IL6ST: variants seen among roughly 807,000 people sequenced by gnomAD.
The protein encoded by IL6ST is interleukin 6 cytokine family signal transducer.
Under a neutral mutation model 91.3 loss-of-function variants are expected in IL6ST, and 24 were observed. The ratio of observed to expected loss-of-function variants is 0.26; its 90% confidence interval spans 0.19 to 0.37. The LOEUF (loss-of-function observed/expected upper bound fraction) is 0.37. Among genes scored for constraint, IL6ST ranks in the 10% least tolerant of loss-of-function variants. IL6ST has a pLI of 1.00. For missense variants in IL6ST, 914 were observed against 1,078.5 expected, an observed-to-expected ratio of 0.85 and a Z score of 2.14; for synonymous variants, 351 against 373.6, an observed-to-expected ratio of 0.94 and a Z score of 0.70.
rs562029909 is a variant in IL6ST at position 55,966,285 on chromosome 5, G to A, written c.492-1973C>T. On this transcript the variant is annotated intron_variant, in intron 5 of 16. Transcript: ENST00000381298. ...ATACTATATAATCCCATTTATATGAGACATTCTGTAACAGGAAAAAATAAT... is the reference window on the plus strand; with the variant it reads ...ATACTATATAATCCCATTTATATGAAACATTCTGTAACAGGAAAAAATAAT... 9.5e-4 allele frequency among the ~76,000 whole-genome samples: 144 copies of A among 152,264 alleles called. 4 individuals are homozygous for A. Among genetic ancestry groups the A allele is most frequent in the Non-Finnish European group, 5.0e-4 (34 of 68,018 alleles).
intron 6 of IL6ST, 139 bp downstream of exon 6, chr5:55,964,004 TAAA>T (rs1406510495): frequency 7.4e-6 from 3 of 407,144 alleles, no homozygotes; most frequent in African/African-American, 6.2e-5. Flanking sequence ...AATTAAAATC[TAAA>T]AAAGTAAAAT....
intron 1 of IL6ST, chr5:55,994,225 T>C (rs1754508851): frequency 6.6e-6 from 1 of 152,102 alleles, no homozygotes; most frequent in Admixed American, 6.5e-5. Flanking sequence ...AACTGATTTG[T>C]TCTCCTTGGG....
intron 10 of IL6ST, 124 bp downstream of exon 10, chr5:55,955,901 C>T (rs901639162): frequency 1.4e-5 from 7 of 497,938 alleles, no homozygotes; most frequent in Non-Finnish European, 2.2e-5. Context: ...AAAAAATAAA[C>T]AAGTGATTAT....
chr5:55,979,378 T>C (rs1015580613), intron 2 of IL6ST, among the ~76,000 whole-genome samples: 4 of 152,160 alleles, frequency 2.6e-5, no homozygotes, highest in Admixed American at 2.6e-4. Context: ...AAGGGGACAT[T>C]CTGGGTGCTG....
In IL6ST at chr5:55,937,936, T is replaced by A. The variant is rs1750638622; in HGVS notation, c.*3146A>T. 1 of 196,910 alleles carries A rather than the reference T, an allele frequency of 5.1e-6. No individual in the cohort carries two copies. The highest frequency in any genetic ancestry group is 2.3e-5 in the African/African-American group (1 of 43,300). The allele number at this position is 196,910 out of a possible 1,614,324, so 12.2% of individuals were successfully genotyped here. A position where few individuals can be genotyped will look rare whatever the true frequency, so the allele number is the denominator to read the frequency against. On this transcript the variant is annotated 3_prime_UTR_variant, in exon 17 of 17. Coordinates refer to ENST00000381298, the MANE Select transcript of IL6ST (RefSeq NM_002184.4). The stretch of plus-strand genomic sequence containing the variant: ...CTGCTTGATGTACTTGGTCAATATA[T>A]GTTAGTAAACAGAAATATTTTAGGG...
At chr5:55,945,234 C>A (rs1385019178) in intron 15 of IL6ST, among the ~76,000 whole-genome samples, 2 of 151,968 alleles carry the variant, frequency 1.3e-5, no homozygotes, top group Non-Finnish European at 2.9e-5. Context: ...AGAATTCTAC[C>A]TATTTTCAAA....
chr5:55,969,699 A>G lies in IL6ST; in HGVS notation c.221T>C (p.Ile74Thr). ...YIVWKTNHFT[I>T]PKEQYTIINR... ...TATGATAGTATATTGCTCCTTAGGA[A>G]TAGTAAAATGGTTTGTTTTCCAGAC... Residue 74 changes from isoleucine (I) to threonine (T), a missense_variant, in exon 4 of 17, where the codon ATT (isoleucine) becomes ACT (threonine). Coordinates refer to ENST00000381298, the MANE Select transcript of IL6ST (RefSeq NM_002184.4). The G allele has an allele frequency of 6.2e-7, 1 of 1,612,930 alleles. No homozygotes were observed. Among genetic ancestry groups the G allele is most frequent in the Non-Finnish European group, 8.5e-7 (1 of 1,178,990 alleles).
intron 16 of IL6ST, 147 bp from the exon 17 acceptor site, chr5:55,941,966 A>G: frequency 1.5e-6 from 1 of 665,008 alleles, no homozygotes. Context: ...AAATGCAGAT[A>G]CTATAAAATG....
Position 55,936,270 on chromosome 5 carries a change from T to C in IL6ST, c.*4812A>G, listed in dbSNP as rs1415392409. On this transcript the variant is annotated 3_prime_UTR_variant, in exon 17 of 17. Transcript: ENST00000381298. ...AACAAGGATGGAGACTCCAGCAGAG[T>C]GCAGGGTGGGCACAGACAGGCCACA... The C allele has an allele frequency of 4.5e-6, 1 of 223,502 alleles. No individual in the cohort carries two copies. Among genetic ancestry groups the C allele is most frequent in the South Asian group, 1.8e-4 (1 of 5,410 alleles). 13.8% of individuals were successfully genotyped at this position (223,502 alleles called of 1,614,324 possible).
chr5:55,951,949 G>A lies in IL6ST; in HGVS notation c.1679C>T (p.Thr560Ile), dbSNP rs757531999. 2 of 1,478,706 alleles carry A rather than the reference G, an allele frequency of 1.4e-6. No homozygotes were observed. The highest frequency in any genetic ancestry group is 4.5e-5 in the East Asian group (2 of 44,084). 91.6% of individuals were successfully genotyped at this position (1,478,706 alleles called of 1,614,324 possible). A position where few individuals can be genotyped will look rare whatever the true frequency, so the allele number is the denominator to read the frequency against. The change falls in exon 13 of 17, where the codon ACC becomes ATC. Residue 560 changes from threonine (T) to isoleucine (I), a missense_variant. Coordinates refer to ENST00000381298, the MANE Select transcript of IL6ST (RefSeq NM_002184.4). ...FIRNYTIFYR[T>I]IIGNETAVNV... Reference sequence around the variant, plus strand: ...ATTACCAGTTTCATTTCCAATGATGGTTCTATAAAATATAGTATAATTTCT... The same window carrying A: ...ATTACCAGTTTCATTTCCAATGATGATTCTATAAAATATAGTATAATTTCT...
chr5:55,963,510 A>T lies in IL6ST; in HGVS notation c.659-4T>A. On this transcript the variant is annotated splice_region_variant and splice_polypyrimidine_tract_variant and intron_variant, in intron 6 of 16. Coordinates refer to ENST00000381298, the MANE Select transcript of IL6ST (RefSeq NM_002184.4). ...TTATGTGGCGGATTGGGCTTCACTG[A>T]AAAATAAAATAAATCCTAAGGTTTA... is the stretch of plus-strand genomic sequence containing the variant. 6.3e-7 allele frequency: 1 copy of T among 1,599,514 alleles called. No homozygotes were observed. The highest frequency in any genetic ancestry group is 2.2e-5 in the East Asian group (1 of 44,716).
chr5:55,988,593 C>G (rs983864422), intron 1 of IL6ST, among the ~76,000 whole-genome samples: 1 of 151,660 alleles, frequency 6.6e-6, no homozygotes. Context: ...ATAGAGAAAC[C>G]CTGTCTCTAA....
Position 55,956,105 on chromosome 5 carries a change from T to C in IL6ST, c.1187A>G (p.Tyr396Cys), listed in dbSNP as rs771778211. ...ATTTCTTACTGTTAGGGTTGCTAGA[T>C]AGCGATCATTTGTGAGATTTACTGT... ...KLTVNLTNDR[Y>C]LATLTVRNLV... Residue 396 changes from tyrosine (Y) to cysteine (C), a missense_variant, in exon 10 of 17, where the codon TAT becomes TGT. Coordinates refer to ENST00000381298, the MANE Select transcript of IL6ST (RefSeq NM_002184.4). 4 of 1,613,078 alleles carry C rather than the reference T, an allele frequency of 2.5e-6. No individual in the cohort carries two copies. Among genetic ancestry groups the C allele is most frequent in the African/African-American group, 1.3e-5 (1 of 74,884 alleles).
chr5:55,972,982 G>T (rs1488248032), intron 3 of IL6ST, among the ~76,000 whole-genome samples: 1 of 148,904 alleles, frequency 6.7e-6, no homozygotes, highest in East Asian at 2.0e-4. Context: ...TCCAGCCTAG[G>T]CAACGAAACG....
At chr5:55,942,291 A>AATG (rs928566631) in intron 16 of IL6ST, among the ~76,000 whole-genome samples, 1 of 152,324 alleles carries the variant, frequency 6.6e-6, no homozygotes, top group Middle Eastern at 3.4e-3. Context: ...TCAGTGCTAA[A>AATG]ATGATAAACT....
At chr5:55,950,473 T>G (rs546764301) in intron 14 of IL6ST, among the ~76,000 whole-genome samples, 3 of 138,030 alleles carry the variant, frequency 2.2e-5, no homozygotes, top group Admixed American at 7.6e-5. Context: ...GAGGTGGAGG[T>G]TGCAGTGAGC....
chr5:55,966,412 T>A (rs1405730210), intron 5 of IL6ST, among the ~76,000 whole-genome samples: 1 of 152,338 alleles, frequency 6.6e-6, no homozygotes, highest in East Asian at 1.9e-4. Flanking sequence ...GTTAGTCATG[T>A]TCTATGTCTT....
Position 55,969,859 on chromosome 5 carries a change from A to G in IL6ST, c.65-4T>C. On this transcript the variant is annotated splice_polypyrimidine_tract_variant and splice_region_variant and intron_variant, in intron 3 of 16. Transcript: ENST00000381298. ...CCACATGGATCTAGAAGTTCACCTA[A>G]AAAGGAACAATAGAAAATATATAAA... 6.4e-7 allele frequency: 1 copy of G among 1,566,520 alleles called. No individual in the cohort carries two copies. Among genetic ancestry groups the G allele is most frequent in the Non-Finnish European group, 8.7e-7 (1 of 1,147,936 alleles).
intron 2 of IL6ST, among the ~76,000 whole-genome samples, chr5:55,977,871 GC>G (rs1753407471): frequency 6.6e-6 from 1 of 151,820 alleles, no homozygotes; most frequent in African/African-American, 2.4e-5. Flanking sequence ...GGTGGTGTAT[GC>G]CTGCAGTCCC....
Sources: gnomAD v4.1 joint callset for allele counts (sites outside exome capture counted in the v4.1 genomes callset) on GRCh38, gnomAD v4.1.1 for gene constraint, MANE v1.5 for transcripts, NCBI Gene and HGNC (gene_info 2026-07-23, HGNC 2026-07-21) for gene names.